Variants in RRAGD observed in about 807,000 individuals in gnomAD.
The protein encoded by RRAGD is ras-related GTP-binding protein D.
Under a neutral mutation model 35.5 loss-of-function variants are expected in RRAGD, and 12 were observed. The ratio of observed to expected loss-of-function variants is 0.34; its 90% CI spans 0.22 to 0.55. The LOEUF (loss-of-function observed/expected upper bound fraction) is 0.55, where lower values mean the gene tolerates loss of function less well. Among genes scored for constraint, RRAGD ranks in the 20% least tolerant of loss-of-function variants. The pLI is 0.91. For synonymous variants in RRAGD, 155 were observed against 178.9 expected (o/e 0.87, Z 1.07); for missense variants, 324 against 490.1 (o/e 0.66, Z 3.20).
At chr6:89,377,184 G>A (rs1222823763) in intron 5 of RRAGD, among the ~76,000 whole-genome samples, 2 of 152,210 alleles carry the variant, frequency 1.3e-5, no homozygotes, top group Admixed American at 1.3e-4. Context: ...CCAGTCAACA[G>A]TAGACTATTA....
At chr6:89,385,157 G>A (rs950582073) in intron 2 of RRAGD, among the ~76,000 whole-genome samples, 1 of 152,158 alleles carries the variant, frequency 6.6e-6, no homozygotes, top group Admixed American at 6.5e-5. Flanking sequence ...AAAATAGGCA[G>A]ATGTACCTAT....
At chr6:89,393,502 G>A (rs1418590917) in intron 1 of RRAGD, among the ~76,000 whole-genome samples, 1 of 152,196 alleles carries the variant, frequency 6.6e-6, no homozygotes, top group Non-Finnish European at 1.5e-5. Flanking sequence ...AGGAGGTTGG[G>A]CATGAGAAGG....
At position 89,411,973 on chromosome 6, in the gene RRAGD, C is replaced by T. The variant is rs535397683; in HGVS notation, c.21G>A (p.Lys7=). The part of the protein sequence containing the change: MSQVLG[K]PQPQDEDDAE... The stretch of plus-strand genomic sequence containing the variant: ...CGTCGTCCTCGTCCTGCGGCTGCGG[C>T]TTCCCCAGCACCTGGCTCATCGTGC... Residue 7 remains lysine (K), a synonymous_variant, in exon 1 of 7, where the codon AAG becomes AAA. Coordinates refer to ENST00000369415, the MANE Select transcript of RRAGD (RefSeq NM_021244.5). The surrounding 1 kb of genome is among the most constrained non-coding windows in gnomAD (Gnocchi z 5.6). 66 of 1,536,226 alleles carry T rather than the reference C, an allele frequency of 4.3e-5. No homozygotes were observed. The East Asian group carries it at 1.4e-3, about 34-fold the overall frequency.
chr6:89,407,422 G>A (rs1331523783), intron 1 of RRAGD, among the ~76,000 whole-genome samples: 1 of 152,228 alleles, frequency 6.6e-6, no homozygotes, highest in Non-Finnish European at 1.5e-5. Flanking sequence ...TGGATCACTT[G>A]AGGTCAGGAG....
At chr6:89,386,104 C>T (rs1582512495) in intron 2 of RRAGD, among the ~76,000 whole-genome samples, 1 of 152,222 alleles carries the variant, frequency 6.6e-6, no homozygotes, top group Admixed American at 6.5e-5. Flanking sequence ...CAACCTGAAC[C>T]TCAGAGTTGG....
intron 4 of RRAGD, among the ~76,000 whole-genome samples, chr6:89,378,302 C>CA (rs761449714): frequency 0.2 from 24,869 of 125,506 alleles, 3,134 homozygotes; most frequent in African/African-American, 0.39. Context: ...AACTCCGTCT[C>CA]AAAAAAAAAA....
chr6:89,394,250 G>A (rs1445935372), intron 1 of RRAGD, among the ~76,000 whole-genome samples: 3 of 151,734 alleles, frequency 2.0e-5, no homozygotes, highest in African/African-American at 7.3e-5. Flanking sequence ...AAATCATAGT[G>A]TAACTTCAAA....
intron 1 of RRAGD, among the ~76,000 whole-genome samples, chr6:89,406,204 G>C (rs59926254): frequency 0.11 from 16,698 of 152,192 alleles, 1,044 homozygotes; most frequent in African/African-American, 0.15. Context: ...GGAGTGCTGG[G>C]AAGGGAAGGG....
chr6:89,382,972 G>A (rs1356385819), intron 2 of RRAGD, among the ~76,000 whole-genome samples: 1 of 152,232 alleles, frequency 6.6e-6, no homozygotes, highest in Non-Finnish European at 1.5e-5. Context: ...TTACTGTATG[G>A]TTCCACATAG....
Position 89,408,741 on chromosome 6 carries a change from GA to G in RRAGD, c.148+3104del, listed in dbSNP as rs1380934671. Among the ~76,000 whole-genome samples the G allele has an allele frequency of 2.0e-5, 3 of 152,264 alleles. No homozygotes were observed. The South Asian group carries it at 6.2e-4, about 32-fold the overall frequency. ...TAAAAAATGGGAGGGGTTTTGGGGG[GA>G]AAACAATTTTACTTTCTGATTAAAT... On this transcript the variant is annotated intron_variant, in intron 1 of 6. Transcript: ENST00000369415.
chr6:89,389,052 C>G (rs2127891466), intron 1 of RRAGD, among the ~76,000 whole-genome samples: 1 of 152,314 alleles, frequency 6.6e-6, no homozygotes, highest in South Asian at 2.1e-4. Context: ...TGCTCCCCCA[C>G]TGCTCACCTT....
chr6:89,375,968 A>G (rs1768932006), intron 5 of RRAGD, among the ~76,000 whole-genome samples: 1 of 152,242 alleles, frequency 6.6e-6, no homozygotes, highest in South Asian at 2.1e-4. Flanking sequence ...AATAATGATC[A>G]TGCACATTGT....
chr6:89,384,813 CAAAAAAAA>C (rs34091216), intron 2 of RRAGD, among the ~76,000 whole-genome samples: 19 of 101,594 alleles, frequency 1.9e-4, no homozygotes, highest in South Asian at 6.7e-4. Context: ...GACTCCGTCT[CAAAAAAAA>C]AAAAAAAAAA....
intron 1 of RRAGD, among the ~76,000 whole-genome samples, chr6:89,388,945 A>G (rs538981977): frequency 6.6e-6 from 1 of 152,334 alleles, no homozygotes; most frequent in African/African-American, 2.4e-5. Context: ...TTGCACTCCT[A>G]TGAGAATCTA....
At chr6:89,380,703 T>C (rs12055831) in intron 2 of RRAGD, among the ~76,000 whole-genome samples, 6,161 of 151,946 alleles carry the variant, frequency 0.041, 372 homozygotes, top group East Asian at 0.27. Flanking sequence ...GTCAGGAGAT[T>C]GAGACCATCC....
intron 3 of RRAGD, 45 bp downstream of exon 3, chr6:89,380,123 T>C: frequency 1.9e-6 from 3 of 1,590,862 alleles, no homozygotes. Flanking sequence ...CAAACTTGCT[T>C]TCTTCCATCC....
chr6:89,376,299 T>TGG (rs1219065596), intron 5 of RRAGD, among the ~76,000 whole-genome samples: 39 of 89,380 alleles, frequency 4.4e-4, no homozygotes, highest in Admixed American at 2.4e-3. Flanking sequence ...CATGTGTGTG[T>TGG]GGTGTGTGTG....
intron 1 of RRAGD, among the ~76,000 whole-genome samples, chr6:89,405,399 T>C (rs760415772): frequency 3.4e-5 from 5 of 148,268 alleles, no homozygotes; most frequent in Non-Finnish European, 7.4e-5. Context: ...GGCGAAGTGA[T>C]GGCAAATGGA....
chr6:89,390,890 T>G (rs1017574507), intron 1 of RRAGD, among the ~76,000 whole-genome samples: 1 of 151,464 alleles, frequency 6.6e-6, no homozygotes, highest in African/African-American at 2.4e-5. Flanking sequence ...AGAGTGACAC[T>G]CTGTCTTAAA....
Sources: allele counts gnomAD v4.1 joint callset (sites outside exome capture counted in the v4.1 genomes callset), GRCh38; gene constraint gnomAD v4.1.1; non-coding constraint Gnocchi (gnomAD v3.1); transcripts MANE v1.5; gene names NCBI Gene and HGNC (gene_info 2026-07-23, HGNC 2026-07-21).